The following FRMD3 variants were observed in gnomAD, a reference collection of about 807,000 sequenced individuals.
The protein encoded by FRMD3 is FERM domain-containing protein 3.
A neutral mutation model predicts 70.2 loss-of-function variants in FRMD3; 33 were observed. The observed-to-expected ratio is 0.47, with a 90% CI of 0.36 to 0.63. FRMD3 has a LOEUF of 0.63. Ranked by LOEUF, FRMD3 falls within the 20% of genes least tolerant of loss-of-function variation. FRMD3 has a pLI of 0.00. For missense variants in FRMD3, 632 were observed against 711.4 expected (o/e 0.89, Z 1.27); for synonymous variants, 279 against 255.9 (o/e 1.09, Z -0.86).
At position 83,390,104 on chromosome 9, in the gene FRMD3, C is replaced by T. The variant is rs541959462; in HGVS notation, c.148-396G>A. On this transcript the variant is annotated intron_variant, in intron 1 of 13. Transcript: ENST00000304195. ...GGCCTAACTGCTTTTTCTAATTCCT[C>T]GGTACATATTCATTCATCCAGTTCT... 3.9e-5 allele frequency among the ~76,000 whole-genome samples: 6 copies of T among 152,314 alleles called. No individual in the cohort carries two copies. In the South Asian group the frequency reaches 1.0e-3, roughly 26 times the overall value.
chr9:83,525,261 T>C (rs549875457), intron 1 of FRMD3, among the ~76,000 whole-genome samples: 2 of 152,304 alleles, frequency 1.3e-5, no homozygotes, highest in East Asian at 3.9e-4. Context: ...TGCTTTCCCC[T>C]GCTACAGAAT....
At chr9:83,520,941 A>G (rs1829556932) in intron 1 of FRMD3, among the ~76,000 whole-genome samples, 1 of 141,082 alleles carries the variant, frequency 7.1e-6, no homozygotes, top group Admixed American at 7.5e-5. Flanking sequence ...CCTGGCCAAC[A>G]TGGTGAAACC....
chr9:83,533,319 T>C (rs1829826666), intron 1 of FRMD3, among the ~76,000 whole-genome samples: 1 of 152,194 alleles, frequency 6.6e-6, no homozygotes, highest in South Asian at 2.1e-4. Flanking sequence ...AGATAATGGA[T>C]AGTTATAAAA....
chr9:83,435,404 A>G (rs1383786151), intron 1 of FRMD3, among the ~76,000 whole-genome samples: 1 of 152,128 alleles, frequency 6.6e-6, no homozygotes, highest in African/African-American at 2.4e-5. Context: ...AGCCACCACA[A>G]ACCAGAAAGC....
rs1041209847 is a variant in FRMD3 at position 83,521,458 on chromosome 9, C to T, written c.147+16627G>A. 2.0e-5 allele frequency among the ~76,000 whole-genome samples: 3 copies of T among 152,248 alleles called. No individual in the cohort carries two copies. In the East Asian group the frequency reaches 5.8e-4, roughly 29 times the overall value. ...CTATGATGGCGCCACTGCCCTCTAG[C>T]CTGGGTGAAAAAATGAGACCCTGTC... On this transcript the variant is annotated intron_variant, in intron 1 of 13. Coordinates refer to ENST00000304195, the MANE Select transcript of FRMD3 (RefSeq NM_174938.6).
the FRMD3 span, among the ~76,000 whole-genome samples, chr9:83,544,901 A>T: frequency 6.6e-6 from 1 of 152,240 alleles, no homozygotes; most frequent in Admixed American, 6.5e-5. Context: ...AAACAAAAGT[A>T]AATTCAAAAA....
At chr9:83,259,287 C>T (rs1330887967) in intron 13 of FRMD3, among the ~76,000 whole-genome samples, 1 of 152,104 alleles carries the variant, frequency 6.6e-6, no homozygotes, top group Non-Finnish European at 1.5e-5. Flanking sequence ...GTAATTTTAA[C>T]ATATTTTAAG....
At chr9:83,394,354 A>C (rs1205310532) in intron 1 of FRMD3, among the ~76,000 whole-genome samples, 2 of 152,184 alleles carry the variant, frequency 1.3e-5, no homozygotes, top group Non-Finnish European at 2.9e-5. Flanking sequence ...AATTTGTGTG[A>C]AACAATCACA....
At chr9:83,310,034 G>A (rs142651663) in intron 9 of FRMD3, among the ~76,000 whole-genome samples, 1 of 152,122 alleles carries the variant, frequency 6.6e-6, no homozygotes, top group African/African-American at 2.4e-5. Flanking sequence ...AATGGTCTCC[G>A]CACAAATGCA....
At chr9:83,254,217 A>C (rs1053878733) in intron 13 of FRMD3, among the ~76,000 whole-genome samples, 3 of 152,154 alleles carry the variant, frequency 2.0e-5, no homozygotes, top group African/African-American at 7.2e-5. Flanking sequence ...ATACATATGT[A>C]ACAAACCTGC....
rs111243565 is a variant in FRMD3 at position 83,457,831 on chromosome 9, T to C, written c.148-68123A>G. ...AATTGTAACTATGTGAGATGATGAG[T>C]ATGTTATCTTTATTGTGGTAATCAC... is the stretch of plus-strand genomic sequence containing the variant. On this transcript the variant is annotated intron_variant, in intron 1 of 13. Transcript: ENST00000304195. Among the ~76,000 whole-genome samples, 1,082 of 152,092 alleles carry C rather than the reference T, an allele frequency of 7.1e-3. 12 individuals are homozygous for C. Among genetic ancestry groups the C allele is most frequent in the African/African-American group, 0.025 (1,019 of 41,472 alleles).
Position 83,246,580 on chromosome 9 carries a change from G to A in FRMD3, c.*1338C>T, listed in dbSNP as rs1307911904. On this transcript the variant is annotated 3_prime_UTR_variant, in exon 14 of 14. Coordinates refer to ENST00000304195, the MANE Select transcript of FRMD3 (RefSeq NM_174938.6). ...TCAAATTTTAAAACAACTGGGAAAG[G>A]AAAGGAGTATAATGACCACCGCAAA... 1 of 984,508 alleles carries A rather than the reference G, an allele frequency of 1.0e-6. No individual in the cohort carries two copies. The highest frequency in any genetic ancestry group is 6.2e-5 in the Admixed American group (1 of 16,172). 61.0% of individuals were successfully genotyped at this position (984,508 alleles called of 1,614,324 possible).
chr9:83,537,440 G>A lies in FRMD3; in HGVS notation c.147+645C>T, dbSNP rs1829921127. Among the ~76,000 whole-genome samples, 1 of 152,184 alleles carries A rather than the reference G, an allele frequency of 6.6e-6. No individual in the cohort carries two copies. The highest frequency in any genetic ancestry group is 2.1e-4 in the South Asian group (1 of 4,830). ...CACTCAGACTTCACACATTCCTTTCGAGGTAGCTCCAGTCCGGCGCAGCGC... is the reference window on the plus strand; with the variant it reads ...CACTCAGACTTCACACATTCCTTTCAAGGTAGCTCCAGTCCGGCGCAGCGC... On this transcript the variant is annotated intron_variant, in intron 1 of 13. Transcript: ENST00000304195. The surrounding 1 kb of genome is among the most constrained non-coding windows in gnomAD (Gnocchi z 4.1).
intron 1 of FRMD3, among the ~76,000 whole-genome samples, chr9:83,511,724 G>A (rs1299952053): frequency 6.6e-6 from 1 of 152,144 alleles, no homozygotes; most frequent in Admixed American, 6.5e-5. Context: ...AGGGAAGCAC[G>A]TCTGCCACAA....
At chr9:83,396,772 T>C (rs1326367710) in intron 1 of FRMD3, among the ~76,000 whole-genome samples, 1 of 152,260 alleles carries the variant, frequency 6.6e-6, no homozygotes, top group Admixed American at 6.5e-5. Context: ...TCAGTTAATG[T>C]GAATTTCCTT....
intron 1 of FRMD3, among the ~76,000 whole-genome samples, chr9:83,484,371 TTG>T (rs1192932072): frequency 6.6e-6 from 1 of 152,208 alleles, no homozygotes. Context: ...GGAAGACAGA[TTG>T]TGAGTCCTAC....
the FRMD3 span, among the ~76,000 whole-genome samples, chr9:83,552,049 T>C: frequency 6.6e-5 from 10 of 152,220 alleles, no homozygotes; most frequent in Admixed American, 2.0e-4. Context: ...TTCAATTCTT[T>C]CAGTTGTGAG....
In FRMD3 at chr9:83,357,248, T is replaced by TGGA. The variant is rs1157031284; in HGVS notation, c.296-7492_296-7491insTCC. On this transcript the variant is annotated intron_variant, in intron 3 of 13. Coordinates refer to ENST00000304195, the MANE Select transcript of FRMD3 (RefSeq NM_174938.6). ...ATTTTATATATATATAATACATACA[T>TGGA]ATATATATATATATATATATATATA... Among the ~76,000 whole-genome samples the TGGA allele has an allele frequency of 8.0e-3, 26 of 3,254 alleles. 1 individual carries two copies. The highest frequency in any genetic ancestry group is 0.022 in the African/African-American group (23 of 1,056). 2.1% of individuals were successfully genotyped at this position (3,254 alleles called of 152,430 possible). A position where few individuals can be genotyped will look rare whatever the true frequency, so the allele number is the denominator to read the frequency against.
chr9:83,437,395 G>C (rs1827166756), intron 1 of FRMD3, among the ~76,000 whole-genome samples: 1 of 152,168 alleles, frequency 6.6e-6, no homozygotes, highest in Non-Finnish European at 1.5e-5. Context: ...CATCCTGCTA[G>C]TTCCCTCATT....
Sources: allele counts gnomAD v4.1 joint callset (sites outside exome capture counted in the v4.1 genomes callset), GRCh38; gene constraint gnomAD v4.1.1; non-coding constraint Gnocchi (gnomAD v3.1); transcripts MANE v1.5; gene names NCBI Gene and HGNC (gene_info 2026-07-23, HGNC 2026-07-21).